COL1A1: variants seen among roughly 807,000 people sequenced by gnomAD.
The protein encoded by COL1A1 is collagen alpha-1(I) chain.
Under a neutral mutation model 195.7 loss-of-function variants are expected in COL1A1, and 21 were observed. The observed-to-expected ratio is 0.11, with a 90% CI of 0.08 to 0.15. The LOEUF is 0.15. COL1A1 is among the 10% of genes least tolerant of loss of function. The pLI, the probability that COL1A1 is intolerant of heterozygous loss-of-function variation, is 1.00. For missense variants in COL1A1, 1,365 were observed against 2,051.0 expected (o/e 0.67, Z 6.46); for synonymous variants, 749 against 747.3 (o/e 1.00, Z -0.04).
intron 5 of COL1A1, 199 bp from the exon 6 acceptor site, chr17:50,198,703 A>G (rs1359215200): frequency 9.7e-6 from 6 of 615,504 alleles, no homozygotes; most frequent in South Asian, 1.9e-5. Context: ...GACAGTCTGC[A>G]AAACAACTGG....
rs775965149 is a variant in COL1A1 at position 50,194,157 on chromosome 17, A to C, written c.1641T>G (p.Pro547=). ...GGGGGCCAGTTTTGCCATCAGGACC[A>C]GGGCTGCCAGGGCTTCCAGTCAGAC... The part of the protein sequence containing the change: ...AKGLTGSPGS[P]GPDGKTGPPG... The change falls in exon 24 of 51, where the codon CCT becomes CCG. Residue 547 remains proline (P), a synonymous_variant. Transcript: ENST00000225964. The surrounding 1 kb of genome is among the most constrained non-coding windows in gnomAD (Gnocchi z 6.8). 70 of 1,613,496 alleles carry C rather than the reference A, an allele frequency of 4.3e-5. 2 individuals carry two copies. In the South Asian group the frequency reaches 7.5e-4, roughly 17 times the overall value.
rs375914028 is a variant in COL1A1, at chr17:50,195,974, A to T, written c.1005T>A (p.Gly335=). 3.7e-4 allele frequency: 583 copies of T among 1,595,500 alleles called. 11 individuals are homozygous for T. In the Middle Eastern group the frequency reaches 0.012, roughly 32 times the overall value. Residue 335 remains glycine (G), a splice_region_variant and synonymous_variant, in exon 16 of 51, where the codon GGT becomes GGA. Transcript: ENST00000225964. The surrounding 1 kb of genome is among the most constrained non-coding windows in gnomAD (Gnocchi z 4.3). ...DGATGAAGPP[G]PTGPAGPPGF... ...CAGGAGGACCAGCGGGGCCGGTGGGACCCTGTGAATGAAATGGAGATGTCA... is the reference window on the plus strand; with the variant it reads ...CAGGAGGACCAGCGGGGCCGGTGGGTCCCTGTGAATGAAATGGAGATGTCA...
At position 50,185,317 on chromosome 17, in the gene COL1A1, T is replaced by G; in HGVS notation, c.*185A>C. On this transcript the variant is annotated 3_prime_UTR_variant, in exon 51 of 51. Coordinates refer to ENST00000225964, the MANE Select transcript of COL1A1 (RefSeq NM_000088.4). ...ACTTTTGGTTTTTGGTCATGTTCGGTTGGTCAAAGATAAAAACTAAGTTTG... is the reference window on the plus strand; with the variant it reads ...ACTTTTGGTTTTTGGTCATGTTCGGGTGGTCAAAGATAAAAACTAAGTTTG... 4.1e-6 allele frequency: 2 copies of G among 481,994 alleles called. No homozygotes were observed. The allele number at this position is 481,994 out of a possible 1,614,324, so 29.9% of individuals were successfully genotyped here. A position where few individuals can be genotyped will look rare whatever the true frequency, so the allele number is the denominator to read the frequency against.
chr17:50,195,541 G>C lies in COL1A1; in HGVS notation c.1155+26C>G. The stretch of plus-strand genomic sequence containing the variant: ...GACTCTGAGGTTAGAAAGTGGCAAA[G>C]GGGACACTGAGTCGGGGACACTTAC... On this transcript the variant is annotated intron_variant, in intron 17 of 50. Coordinates refer to ENST00000225964, the MANE Select transcript of COL1A1 (RefSeq NM_000088.4). The surrounding 1 kb of genome is among the most constrained non-coding windows in gnomAD (Gnocchi z 4.3). The C allele has an allele frequency of 6.2e-7, 1 of 1,614,076 alleles. No homozygotes were observed. Among genetic ancestry groups the C allele is most frequent in the South Asian group, 1.1e-5 (1 of 91,080 alleles).
chr17:50,187,035 T>G lies in COL1A1; in HGVS notation c.3511A>C (p.Thr1171Pro). The change falls in exon 47 of 51, where the codon ACT becomes CCT. Residue 1171 changes from threonine (T) to proline (P), a missense_variant. Physicochemically the swap from Thr to Pro is conservative, Grantham distance 38 (BLOSUM62 -1). This residue lies in a region of COL1A1 where 671 missense variants were observed against 1,099.9 expected (regional missense o/e 0.61). Transcript: ENST00000225964. The part of the protein sequence containing the change: ...PIGPPGPRGR[T>P]GDAGPVGPPG... Reference sequence around the variant, plus strand: ...CATACAACAGGACCAGCATCACCAGTGCGACCGCGAGGACCAGGGGGCCCA... The same window carrying G: ...CATACAACAGGACCAGCATCACCAGGGCGACCGCGAGGACCAGGGGGCCCA... 6.2e-7 allele frequency: 1 copy of G among 1,613,644 alleles called. No homozygotes were observed. Among genetic ancestry groups the G allele is most frequent in the South Asian group, 1.1e-5 (1 of 91,010 alleles).
chr17:50,199,086 A>T, intron 5 of COL1A1, 140 bp downstream of exon 5: 1 of 939,504 alleles, frequency 1.1e-6, no homozygotes, highest in Non-Finnish European at 1.5e-6. Flanking sequence ...ACAAACTGTG[A>T]AGGGTATGTG....
chr17:50,200,907 G>A (rs1380999271), intron 1 of COL1A1, among the ~76,000 whole-genome samples: 4 of 152,190 alleles, frequency 2.6e-5, no homozygotes, highest in Non-Finnish European at 4.4e-5. Context: ...ACCCCGCCCC[G>A]CCGAGTCCGC....
Position 50,195,191 on chromosome 17 carries a change from C to A in COL1A1, c.1299+41G>T, listed in dbSNP as rs1485211279. The A allele has an allele frequency of 1.2e-6, 2 of 1,607,474 alleles. No homozygotes were observed. Among genetic ancestry groups the A allele is most frequent in the African/African-American group, 1.3e-5 (1 of 74,752 alleles). ...TCCCCAGATGAGAGCCGCACTGGAG[C>A]CAGTGCATGGGGTGGGCAGAAGGGA... On this transcript the variant is annotated intron_variant, in intron 19 of 50. Transcript: ENST00000225964. The surrounding 1 kb of genome is among the most constrained non-coding windows in gnomAD (Gnocchi z 4.3).
At chr17:50,191,352 G>A in intron 32 of COL1A1, 31 bp downstream of exon 32, 1 of 1,567,748 alleles carries the variant, frequency 6.4e-7, no homozygotes, top group Non-Finnish European at 8.8e-7. Flanking sequence ...GAGCCATGTA[G>A]GGCTCAGGGG....
chr17:50,188,702 C>T lies in COL1A1; in HGVS notation c.3099+40G>A, dbSNP rs769834236. 8 of 1,613,706 alleles carry T rather than the reference C, an allele frequency of 5.0e-6. No individual in the cohort carries two copies. In the South Asian group the frequency reaches 8.8e-5, roughly 18 times the overall value. On this transcript the variant is annotated intron_variant, in intron 42 of 50. Coordinates refer to ENST00000225964, the MANE Select transcript of COL1A1 (RefSeq NM_000088.4). The surrounding 1 kb of genome is among the most constrained non-coding windows in gnomAD (Gnocchi z 5.6). Reference sequence around the variant, plus strand: ...GAAGGGCCAGGATGGGGCAGGGAAGCAGCAGACAAGGCTGTGGTCATGGAG... The same window carrying T: ...GAAGGGCCAGGATGGGGCAGGGAAGTAGCAGACAAGGCTGTGGTCATGGAG...
Position 50,184,927 on chromosome 17 carries a change from G to C in COL1A1, c.*575C>G. 4.4e-6 allele frequency: 1 copy of C among 229,674 alleles called. No homozygotes were observed. The highest frequency in any genetic ancestry group is 8.6e-6 in the Non-Finnish European group (1 of 115,884). The allele number at this position is 229,674 out of a possible 1,614,324, so 14.2% of individuals were successfully genotyped here. A position where few individuals can be genotyped will look rare whatever the true frequency, so the allele number is the denominator to read the frequency against. On this transcript the variant is annotated 3_prime_UTR_variant, in exon 51 of 51. Transcript: ENST00000225964. ...TGTTGCAAGAGCCATGGGAGCGCCAGATGGCAAGGCTTCTTTGGCAGTCTG... is the reference window on the plus strand; with the variant it reads ...TGTTGCAAGAGCCATGGGAGCGCCACATGGCAAGGCTTCTTTGGCAGTCTG...
chr17:50,192,673 A>G lies in COL1A1; in HGVS notation c.1896T>C (p.Gly632=). ...PGPAGPAGER[G]EQGPAGSPGF... is the part of the protein sequence containing the mutation. Reference sequence around the variant, plus strand: ...CGGGGGAGCCAGCAGGGCCTTGTTCACCTCTCTCGCCAGCGGGACCCTGCA... The same window carrying G: ...CGGGGGAGCCAGCAGGGCCTTGTTCGCCTCTCTCGCCAGCGGGACCCTGCA... Residue 632 remains glycine, a synonymous_variant, in exon 28 of 51, where the codon GGT becomes GGC. Transcript: ENST00000225964. 1 of 1,614,112 alleles carries G rather than the reference A, an allele frequency of 6.2e-7. No individual in the cohort carries two copies. Among genetic ancestry groups the G allele is most frequent in the Non-Finnish European group, 8.5e-7 (1 of 1,180,018 alleles).
intron 11 of COL1A1, 34 bp from the exon 12 acceptor site, chr17:50,196,704 G>A (rs375630486): frequency 6.2e-7 from 1 of 1,610,222 alleles, no homozygotes. Flanking sequence ...GTAAGAACCT[G>A]TGGAGGGGGT....
Position 50,189,715 on chromosome 17 carries a change from A to C in COL1A1, c.2631T>G (p.Pro877=), listed in dbSNP as rs750900522. ...GAGGACCGACTCGGCCAGCAGCACC[A>C]GGGAAACCAGTAGCACCCTGGAAGG... ...SAGPPGATGF[P]GAAGRVGPPG... is the part of the protein sequence containing the mutation. Residue 877 remains proline (P), a synonymous_variant, in exon 38 of 51, where the codon CCT becomes CCG. Transcript: ENST00000225964. The surrounding 1 kb of genome is among the most constrained non-coding windows in gnomAD (Gnocchi z 5.5). 1.2e-6 allele frequency: 2 copies of C among 1,614,082 alleles called. No individual in the cohort carries two copies. The highest frequency in any genetic ancestry group is 2.7e-5 in the African/African-American group (2 of 75,014).
At chr17:50,198,079 G>T (rs1907755319) in intron 7 of COL1A1, 77 bp from the exon 8 acceptor site, 9 of 1,600,566 alleles carry the variant, frequency 5.6e-6, no homozygotes, top group Non-Finnish European at 7.7e-6. Flanking sequence ...AGATCTCTGA[G>T]CATCTCTCCT....
rs1273017934 is a variant in COL1A1 at position 50,197,932 on chromosome 17, G to A, written c.642+17C>T. The A allele has an allele frequency of 1.9e-6, 3 of 1,613,538 alleles. No homozygotes were observed. Among genetic ancestry groups the A allele is most frequent in the African/African-American group, 2.7e-5 (2 of 75,002 alleles). On this transcript the variant is annotated intron_variant, in intron 8 of 50. Coordinates refer to ENST00000225964, the MANE Select transcript of COL1A1 (RefSeq NM_000088.4). ...GTGTTTGTAGAAGGAGTATGAATCT[G>A]TATAGAGAGTGCTTACTGAAGCTCC...
chr17:50,194,987 C>T lies in COL1A1; in HGVS notation c.1353+60G>A. The T allele has an allele frequency of 3.2e-6, 5 of 1,572,368 alleles. No individual in the cohort carries two copies. The highest frequency in any genetic ancestry group is 4.4e-6 in the Non-Finnish European group (5 of 1,144,036). On this transcript the variant is annotated intron_variant, in intron 20 of 50. Coordinates refer to ENST00000225964, the MANE Select transcript of COL1A1 (RefSeq NM_000088.4). This position sits in a 1 kb window ranked among gnomAD's most constrained non-coding sequence, Gnocchi z 6.8. Reference sequence around the variant, plus strand: ...GGCTCCTCTTCCTTTCTGGATTTCCCTCAGGGGGCTCCTAGGGCAGGGTGG... The same window carrying T: ...GGCTCCTCTTCCTTTCTGGATTTCCTTCAGGGGGCTCCTAGGGCAGGGTGG...
In COL1A1 at chr17:50,194,565, G is replaced by C. The variant is rs538068477; in HGVS notation, c.1515+8C>G. The stretch of plus-strand genomic sequence containing the variant: ...AGGGTCAGCCCCCCGGCCGCAAGGA[G>C]AGGTTACCTTGGGACCAGCAACACC... On this transcript the variant is annotated splice_region_variant and intron_variant, in intron 22 of 50. Transcript: ENST00000225964. This position sits in a 1 kb window ranked among gnomAD's most constrained non-coding sequence, Gnocchi z 6.8. 3 of 1,594,248 alleles carry C rather than the reference G, an allele frequency of 1.9e-6. No homozygotes were observed. In the East Asian group the frequency reaches 6.9e-5, roughly 36 times the overall value.
chr17:50,194,118 A>C lies in COL1A1; in HGVS notation c.1668+12T>G. On this transcript the variant is annotated intron_variant, in intron 24 of 50. Transcript: ENST00000225964. The surrounding 1 kb of genome is among the most constrained non-coding windows in gnomAD (Gnocchi z 6.8). ...GGACAATGGCAGGGGGTTCAGGGGG[A>C]GTGATACTTACAGGGGGGCCAGTTT... is the stretch of plus-strand genomic sequence containing the variant. The C allele has an allele frequency of 1.2e-6, 2 of 1,611,214 alleles. No individual in the cohort carries two copies. The highest frequency in any genetic ancestry group is 1.7e-6 in the Non-Finnish European group (2 of 1,178,782).
Sources: gnomAD v4.1 joint callset for allele counts (sites outside exome capture counted in the v4.1 genomes callset) on GRCh38, gnomAD v4.1.1 for gene constraint, gnomAD v4.1.1 regional missense constraint, Gnocchi (gnomAD v3.1) non-coding constraint, MANE v1.5 for transcripts, NCBI Gene and HGNC (gene_info 2026-07-23, HGNC 2026-07-21) for gene names.